ZNF718: variants seen among roughly 807,000 people sequenced by gnomAD.
The protein encoded by ZNF718 is zinc finger protein 718.
A neutral mutation model predicts 2.6 loss-of-function variants in ZNF718; 3 were observed. The observed-to-expected ratio is 1.16, with a 90% confidence interval of 0.53 to 3.01. The LOEUF (loss-of-function observed/expected upper bound fraction) is 3.01, where lower values mean the gene tolerates loss of function less well. Ranked by LOEUF, ZNF718 falls within the 30% of genes most tolerant of loss-of-function variation. ZNF718 has a pLI of 0.03. For missense variants in ZNF718, 468 were observed against 230.0 expected (o/e 2.03, Z -6.69); for synonymous variants, 135 against 77.9 (o/e 1.73, Z -3.86).
intron 3 of ZNF718, among the ~76,000 whole-genome samples, chr4:169,563 A>G (rs1553817570): frequency 6.6e-6 from 1 of 152,174 alleles, no homozygotes; most frequent in African/African-American, 2.4e-5. Context: ...TATTTAGGAT[A>G]GTTAGTTATT....
chr4:150,971 T>G (rs1184744855), intron 3 of ZNF718, among the ~76,000 whole-genome samples: 1 of 152,190 alleles, frequency 6.6e-6, no homozygotes. Context: ...TACCATATAT[T>G]GATTGTTTAA....
intron 1 of ZNF718, among the ~76,000 whole-genome samples, chr4:126,519 G>T (rs75377005): frequency 6.6e-6 from 1 of 152,220 alleles, no homozygotes; most frequent in African/African-American, 2.4e-5. Context: ...GCTGCCTTCA[G>T]CAGGTACCTG....
At chr4:186,698 G>A (rs1486126992) in intron 3 of ZNF718, among the ~76,000 whole-genome samples, 1 of 152,120 alleles carries the variant, frequency 6.6e-6, no homozygotes. Flanking sequence ...TTGGTCTATT[G>A]TGCTATTAAT....
Position 161,547 on chromosome 4 carries a change from T to A in ZNF718, c.862T>A (p.Cys288Ser). ...SAQKYYKCEE[C>S]GKAFKWSSSL... ...ACAAAAATACTACAAATGTGAAGAA[T>A]GTGGTAAAGCCTTTAAGTGGTCCTC... The change falls in exon 4 of 4, where the codon TGT (cysteine) becomes AGT (serine). Residue 288 changes from cysteine (C) to serine (S), a missense_variant. Cys to Ser is a moderately radical substitution (Grantham distance 112). Coordinates refer to ENST00000510175, the MANE Select transcript of ZNF718 (RefSeq NM_001039127.6). 1 of 780,900 alleles carries A rather than the reference T, an allele frequency of 1.3e-6. No homozygotes were observed. The highest frequency in any genetic ancestry group is 2.4e-6 in the Non-Finnish European group (1 of 418,002). The allele number at this position is 780,900 out of a possible 1,614,324, so 48.4% of individuals were successfully genotyped here.
In ZNF718 at chr4:152,056, G is replaced by A. The variant is rs1472602616; in HGVS notation, c.227-8856G>A. On this transcript the variant is annotated intron_variant, in intron 3 of 3. Coordinates refer to ENST00000510175, the MANE Select transcript of ZNF718 (RefSeq NM_001039127.6). ...TAAAGGATTAAGTGCTGTGCTTTTA[G>A]ATATGCATACACATAAACATCTCAA... Among the ~76,000 whole-genome samples the A allele has an allele frequency of 2.1e-5, 3 of 146,184 alleles. No homozygotes were observed. The East Asian group carries it at 6.2e-4, about 30-fold the overall frequency.
exon 5 of ZNF718, chr4:202,065 G>A (rs1428048201): frequency 1.3e-5 from 2 of 152,376 alleles, no homozygotes; most frequent in African/African-American, 4.8e-5. Context: ...CATACGTTGT[G>A]AGAGGGACCT....
chr4:184,360 A>G (rs1717523886), intron 3 of ZNF718, among the ~76,000 whole-genome samples: 1 of 152,138 alleles, frequency 6.6e-6, no homozygotes, highest in Non-Finnish European at 1.5e-5. Context: ...GATGAAACCT[A>G]CTTGGTCATG....
intron 3 of ZNF718, among the ~76,000 whole-genome samples, chr4:178,230 C>G (rs1168355096): frequency 6.6e-6 from 1 of 151,766 alleles, no homozygotes; most frequent in Non-Finnish European, 1.5e-5. Context: ...CCTTGACATC[C>G]TGGGCTCAAA....
chr4:183,298 C>A (rs564256337), intron 3 of ZNF718, among the ~76,000 whole-genome samples: 5 of 152,128 alleles, frequency 3.3e-5, no homozygotes, highest in African/African-American at 9.6e-5. Flanking sequence ...TTGTTGAAGA[C>A]CAGGTGGTTG....
chr4:183,063 A>C (rs983601308), intron 3 of ZNF718, among the ~76,000 whole-genome samples: 2 of 152,118 alleles, frequency 1.3e-5, no homozygotes, highest in Non-Finnish European at 2.9e-5. Context: ...CTTTGTCATG[A>C]AATCTTTGCC....
chr4:133,116 G>T lies in ZNF718; in HGVS notation c.226+1611G>T, dbSNP rs1280750863. Among the ~76,000 whole-genome samples the T allele has an allele frequency of 2.4e-5, 2 of 83,712 alleles. 1 individual carries two copies. The highest frequency in any genetic ancestry group is 2.9e-4 in the Admixed American group (2 of 6,794). The allele number at this position is 83,712 out of a possible 152,430, so 54.9% of individuals were successfully genotyped here. On this transcript the variant is annotated intron_variant, in intron 3 of 3. Transcript: ENST00000510175. ...TGCTTGACCCCAGGAGGTGGAGTTT[G>T]CAGTGAGCTGAGATCGTGCCACAGG...
intron 3 of ZNF718, among the ~76,000 whole-genome samples, chr4:181,365 T>C (rs369775031): frequency 1.5e-4 from 23 of 151,946 alleles, no homozygotes; most frequent in African/African-American, 5.1e-4. Flanking sequence ...TTTTGCCTAA[T>C]CCAACATTAT....
At chr4:146,623 TAAAA>T (rs534705833) in intron 3 of ZNF718, among the ~76,000 whole-genome samples, 2 of 151,876 alleles carry the variant, frequency 1.3e-5, no homozygotes, top group Non-Finnish European at 2.9e-5. Flanking sequence ...CTTTAAACAA[TAAAA>T]AAAAGTTTTC....
At chr4:192,680 A>C (rs1348844983) in intron 3 of ZNF718, among the ~76,000 whole-genome samples, 1 of 152,158 alleles carries the variant, frequency 6.6e-6, no homozygotes, top group Non-Finnish European at 1.5e-5. Context: ...CTTCAATGTC[A>C]TCAACATCAG....
chr4:166,457 G>T (rs1390343728), downstream of ZNF718, among the ~76,000 whole-genome samples: 4 of 152,172 alleles, frequency 2.6e-5, no homozygotes, highest in East Asian at 3.9e-4. Flanking sequence ...CTAGTTTACA[G>T]TCCCACCAAC....
chr4:197,320 T>C (rs1301623995), intron 3 of ZNF718, among the ~76,000 whole-genome samples: 10 of 152,004 alleles, frequency 6.6e-5, no homozygotes, highest in Middle Eastern at 6.8e-3. Context: ...TTGAGCCCCA[T>C]TTTTCATATA....
intron 3 of ZNF718, among the ~76,000 whole-genome samples, chr4:186,650 A>T (rs1160672474): frequency 6.6e-6 from 1 of 152,134 alleles, no homozygotes; most frequent in East Asian, 1.9e-4. Flanking sequence ...TTATTTCAGA[A>T]AGGACAGTCT....
At chr4:124,705 G>A in intron 1 of ZNF718, 32 bp downstream of exon 1, 1 of 1,607,950 alleles carries the variant, frequency 6.2e-7, no homozygotes, top group South Asian at 1.1e-5. Context: ...TCCCAAGGCT[G>A]TGGAGGCCTC....
chr4:141,479 A>G (rs984028674), intron 3 of ZNF718, among the ~76,000 whole-genome samples: 11 of 152,208 alleles, frequency 7.2e-5, no homozygotes, highest in African/African-American at 2.7e-4. Flanking sequence ...GAAGCTGGAT[A>G]TAATGTAAAG....
Sources: gnomAD v4.1 joint callset for allele counts (sites outside exome capture counted in the v4.1 genomes callset) on GRCh38, gnomAD v4.1.1 for gene constraint, MANE v1.5 for transcripts, NCBI Gene and HGNC (gene_info 2026-07-23, HGNC 2026-07-21) for gene names.